The following FAM149B1 variants were observed in gnomAD, a reference collection of about 807,000 sequenced individuals.
FAM149B1 encodes the protein primary cilium assembly protein FAM149B1.
A neutral mutation model predicts 75.3 loss-of-function variants in FAM149B1; 56 were observed. The ratio of observed to expected loss-of-function variants is 0.74; its 90% CI spans 0.60 to 0.93. FAM149B1 has a LOEUF of 0.93. Among genes scored for constraint, FAM149B1 ranks in the 40% least tolerant of loss-of-function variants. FAM149B1 has a pLI of 0.00. For synonymous variants in FAM149B1, 259 were observed against 256.1 expected (o/e 1.01, Z -0.11); for missense variants, 639 against 708.4 (o/e 0.90, Z 1.11).
Position 73,192,585 on chromosome 10 carries a change from C to T in FAM149B1, c.312C>T (p.Val104=). 2 of 1,551,384 alleles carry T rather than the reference C, an allele frequency of 1.3e-6. No individual in the cohort carries two copies. The highest frequency in any genetic ancestry group is 1.7e-6 in the Non-Finnish European group (2 of 1,146,908). ...TCGATCAAAATGCCACTGAAAAAGT[C>T]CAGACAATGTTCACAGCCATTGATG... ...GELDQNATEK[V]QTMFTAIDEL... is the part of the protein sequence containing the mutation. The change falls in exon 4 of 14, where the codon GTC becomes GTT. Residue 104 remains valine (V), a synonymous_variant. Transcript: ENST00000242505.
chr10:73,223,734 G>GC (rs2051758919), intron 7 of FAM149B1, among the ~76,000 whole-genome samples: 1 of 145,940 alleles, frequency 6.9e-6, no homozygotes. Flanking sequence ...TGTGTGTTAG[G>GC]TTTTTTTTTT....
rs190757245 is a variant in FAM149B1 at position 73,241,630 on chromosome 10, C to T, written c.*611C>T. 2.6e-5 allele frequency: 4 copies of T among 153,038 alleles called. No homozygotes were observed. The highest frequency in any genetic ancestry group is 9.6e-5 in the African/African-American group (4 of 41,562). 9.5% of individuals were successfully genotyped at this position (153,038 alleles called of 1,614,324 possible). On this transcript the variant is annotated 3_prime_UTR_variant, in exon 14 of 14. Transcript: ENST00000242505. ...TAATAAATTATATCGCATATTTTTT[C>T]AGATAGGACAGCTCAACCTTACGAT... is the stretch of plus-strand genomic sequence containing the variant.
chr10:73,209,529 A>G lies in FAM149B1; in HGVS notation c.711-722A>G, dbSNP rs1370014163. ...CCTTATGGTTGGCACAGATTTTATA[A>G]TTAATAATGTCTATTTATATCTATT... is the stretch of plus-strand genomic sequence containing the variant. On this transcript the variant is annotated intron_variant, in intron 6 of 13. Coordinates refer to ENST00000242505, the MANE Select transcript of FAM149B1 (RefSeq NM_173348.2). Among the ~76,000 whole-genome samples, 99 of 152,244 alleles carry G rather than the reference A, an allele frequency of 6.5e-4. 1 individual carries two copies. Among genetic ancestry groups the G allele is most frequent in the Non-Finnish European group, 2.9e-5 (2 of 68,044 alleles).
At chr10:73,174,973 C>T (rs1392635213) in intron 2 of FAM149B1, among the ~76,000 whole-genome samples, 182 bp downstream of exon 2, 2 of 152,166 alleles carry the variant, frequency 1.3e-5, no homozygotes, top group Non-Finnish European at 2.9e-5. Context: ...TACATATTTT[C>T]ATAACCTTTG....
At chr10:73,240,827 GCTTTCATAC>G (rs1006749522) in intron 13 of FAM149B1, 110 bp from the exon 14 acceptor site, 1 of 648,512 alleles carries the variant, frequency 1.5e-6, no homozygotes, top group Non-Finnish European at 2.8e-6. Context: ...CTAGTTTACT[GCTTTCATAC>G]CTTAAGAAAG....
At chr10:73,235,691 T>C (rs1404623417) in intron 12 of FAM149B1, among the ~76,000 whole-genome samples, 1 of 151,972 alleles carries the variant, frequency 6.6e-6, no homozygotes, top group African/African-American at 2.4e-5. Context: ...GATGAGTGAG[T>C]TGGGACTTTA....
chr10:73,238,587 C>T (rs1045362596), intron 12 of FAM149B1, among the ~76,000 whole-genome samples: 2 of 152,244 alleles, frequency 1.3e-5, no homozygotes, highest in East Asian at 1.9e-4. Context: ...GCAACAACCA[C>T]CCTATGGTCC....
At chr10:73,240,688 G>C (rs989825769) in intron 13 of FAM149B1, among the ~76,000 whole-genome samples, 10 of 151,514 alleles carry the variant, frequency 6.6e-5, no homozygotes, top group Non-Finnish European at 1.0e-4. Context: ...CCTCCAGCCT[G>C]GGGGGACAGA....
chr10:73,235,109 A>C, intron 11 of FAM149B1, 84 bp from the exon 12 acceptor site: 1 of 1,479,632 alleles, frequency 6.8e-7, no homozygotes, highest in African/African-American at 1.4e-5. Context: ...CACTTACCAT[A>C]TCTGCCATGG....
In FAM149B1 at chr10:73,170,012, T is replaced by C. The variant is rs529346334; in HGVS notation, c.47+1626T>C. On this transcript the variant is annotated intron_variant, in intron 1 of 13. Coordinates refer to ENST00000242505, the MANE Select transcript of FAM149B1 (RefSeq NM_173348.2). ...TATGTAATTTTAGCAACCATAAATA[T>C]ATTAACTATTAATATTAATTATTAA... Among the ~76,000 whole-genome samples, 433 of 151,266 alleles carry C rather than the reference T, an allele frequency of 2.9e-3. 4 individuals are homozygous for C. Among genetic ancestry groups the C allele is most frequent in the African/African-American group, 9.7e-3 (399 of 41,284 alleles).
chr10:73,229,812 G>A (rs890683404), intron 8 of FAM149B1, among the ~76,000 whole-genome samples: 4 of 152,176 alleles, frequency 2.6e-5, no homozygotes, highest in Non-Finnish European at 4.4e-5. Flanking sequence ...TTCTGTGGCA[G>A]CGGAGACTGC....
chr10:73,203,405 G>A (rs2042983136), intron 5 of FAM149B1, among the ~76,000 whole-genome samples: 1 of 151,664 alleles, frequency 6.6e-6, no homozygotes, highest in African/African-American at 2.4e-5. Context: ...GATATTGAGG[G>A]GCATCTAGCA....
chr10:73,174,790 A>G lies in FAM149B1; in HGVS notation c.151A>G (p.Ser51Gly), dbSNP rs901586087. The part of the protein sequence containing the change: ...DSHEKDTSSQ[S>G]KSDITRESSF... ...TCATGAGAAAGACACAAGTTCCCAA[A>G]GGTAATAACACAAAGTGTACTTGTT... The change falls in exon 2 of 14, where the codon AGC becomes GGC. Residue 51 changes from serine (S) to glycine (G), a missense_variant and splice_region_variant. Physicochemically the swap from Ser to Gly is moderately conservative, Grantham distance 56. Transcript: ENST00000242505. 1 of 1,535,946 alleles carries G rather than the reference A, an allele frequency of 6.5e-7. No individual in the cohort carries two copies. Among genetic ancestry groups the G allele is most frequent in the Middle Eastern group, 1.7e-4 (1 of 5,972 alleles).
chr10:73,217,095 GATA>G (rs964039592), intron 7 of FAM149B1, among the ~76,000 whole-genome samples: 1 of 152,128 alleles, frequency 6.6e-6, no homozygotes, highest in Non-Finnish European at 1.5e-5. Flanking sequence ...TTTCACTCAG[GATA>G]ATGATTTTGA....
At chr10:73,192,726 T>A in intron 4 of FAM149B1, 28 bp downstream of exon 4, 1 of 1,491,310 alleles carries the variant, frequency 6.7e-7, no homozygotes, top group South Asian at 1.3e-5. Flanking sequence ...TTGACTTGTA[T>A]TCATGGCTAA....
chr10:73,219,111 C>A (rs2043354788), intron 7 of FAM149B1, among the ~76,000 whole-genome samples: 1 of 152,042 alleles, frequency 6.6e-6, no homozygotes, highest in Non-Finnish European at 1.5e-5. Flanking sequence ...ATTCTTCCAA[C>A]CTGTATCAAT....
intron 12 of FAM149B1, 124 bp downstream of exon 12, chr10:73,235,442 A>G: frequency 6.8e-7 from 1 of 1,461,816 alleles, no homozygotes; most frequent in Non-Finnish European, 9.0e-7. Flanking sequence ...TTGAGTTTCC[A>G]ACAATAAAAA....
chr10:73,243,678 A>T lies in FAM149B1; in HGVS notation c.*2659A>T, dbSNP rs1379039738. On this transcript the variant is annotated 3_prime_UTR_variant, in exon 14 of 14. Transcript: ENST00000242505. ...TACAATTGGTGTTAATAATTGTAAA[A>T]CTTTGTAAATACACTTAAAACCACC... 3 of 1,168,456 alleles carry T rather than the reference A, an allele frequency of 2.6e-6. No individual in the cohort carries two copies. The highest frequency in any genetic ancestry group is 3.6e-6 in the Non-Finnish European group (3 of 828,260). 72.4% of individuals were successfully genotyped at this position (1,168,456 alleles called of 1,614,324 possible).
intron 5 of FAM149B1, chr10:73,200,578 C>A: frequency 1.3e-6 from 1 of 743,334 alleles, no homozygotes; most frequent in Non-Finnish European, 2.2e-6. Flanking sequence ...AAATGTTCAG[C>A]CAAGGGTTTA....
Sources: gnomAD v4.1 joint callset for allele counts (sites outside exome capture counted in the v4.1 genomes callset) on GRCh38, gnomAD v4.1.1 for gene constraint, MANE v1.5 for transcripts, NCBI Gene and HGNC (gene_info 2026-07-23, HGNC 2026-07-21) for gene names.